The following SLC14A2 variants were observed in gnomAD, a reference collection of about 807,000 sequenced individuals.
The protein encoded by SLC14A2 is solute carrier family 14 member 2, also known as urea transporter 2.
In SLC14A2, 91 loss-of-function variants were observed where a neutral mutation model predicts 104.6. That is an observed-to-expected ratio of 0.87 (90% CI 0.73 to 1.04). The LOEUF is 1.04. Among genes scored for constraint, SLC14A2 ranks in the 50% least tolerant of loss-of-function variants. The probability of loss-of-function intolerance (pLI) is 0.00; values close to 1 mark genes in which losing one functional copy is unlikely to be tolerated. For missense variants in SLC14A2, 1,189 were observed against 1,156.0 expected, an observed-to-expected ratio of 1.03 and a Z score of -0.41; for synonymous variants, 476 against 466.4, an observed-to-expected ratio of 1.02 and a Z score of -0.27.
intron 1 of SLC14A2, among the ~76,000 whole-genome samples, chr18:45,450,963 A>G (rs1468171733): frequency 6.6e-6 from 1 of 152,228 alleles, no homozygotes; most frequent in African/African-American, 2.4e-5. Flanking sequence ...GGTGCAAAAC[A>G]CATGGCTCAA....
intron 2 of SLC14A2, among the ~76,000 whole-genome samples, chr18:45,491,173 T>C (rs559021523): frequency 6.6e-6 from 1 of 152,334 alleles, no homozygotes; most frequent in Admixed American, 6.5e-5. Flanking sequence ...ATTATTGCAT[T>C]ATTTACAATA....
intron 1 of SLC14A2, among the ~76,000 whole-genome samples, chr18:45,468,940 T>C (rs2144661428): frequency 6.6e-6 from 1 of 152,294 alleles, no homozygotes; most frequent in South Asian, 2.1e-4. Flanking sequence ...GCATGTACAG[T>C]AAAGTGCAAC....
At chr18:45,330,482 G>A (rs1386958696) in intron 1 of SLC14A2, among the ~76,000 whole-genome samples, 4 of 152,218 alleles carry the variant, frequency 2.6e-5, no homozygotes, top group Non-Finnish European at 4.4e-5. Context: ...GGTTGCCAGA[G>A]GCTGAGGAGT....
intron 1 of SLC14A2, among the ~76,000 whole-genome samples, chr18:45,465,627 G>A (rs1247559114): frequency 1.3e-5 from 2 of 151,602 alleles, no homozygotes; most frequent in African/African-American, 4.9e-5. Flanking sequence ...CCTTCCTCAG[G>A]GCCCTATCTC....
chr18:45,209,784 T>C (rs1303716314), upstream of SLC14A2, among the ~76,000 whole-genome samples: 2 of 152,208 alleles, frequency 1.3e-5, no homozygotes, highest in Non-Finnish European at 2.9e-5. Flanking sequence ...CAACAGCAAG[T>C]ATAGCTGATG....
intron 1 of SLC14A2, among the ~76,000 whole-genome samples, chr18:45,325,005 A>G (rs1266106225): frequency 6.6e-6 from 1 of 152,170 alleles, no homozygotes; most frequent in East Asian, 1.9e-4. Context: ...TCTAGCAAAG[A>G]TGGGTGCTGT....
At chr18:45,399,257 G>A (rs1446422290) in intron 1 of SLC14A2, among the ~76,000 whole-genome samples, 1 of 152,170 alleles carries the variant, frequency 6.6e-6, no homozygotes, top group African/African-American at 2.4e-5. Context: ...TACCATTCCA[G>A]ATTTTAAAGA....
At position 45,530,406 on chromosome 18, in the gene SLC14A2, C is replaced by T. The variant is rs1286236845; in HGVS notation, c.-35+47084C>T. ...AAAATATCATAGACTACTAAATCTACAAAAACATAGAAATATCCTTGTATT... is the reference window on the plus strand; with the variant it reads ...AAAATATCATAGACTACTAAATCTATAAAAACATAGAAATATCCTTGTATT... On this transcript the variant is annotated intron_variant, in intron 2 of 20. Coordinates refer to the SLC14A2 transcript ENST00000586448. 2.0e-5 allele frequency among the ~76,000 whole-genome samples: 3 copies of T among 152,152 alleles called. No homozygotes were observed. In the East Asian group the frequency reaches 5.8e-4, roughly 29 times the overall value.
rs1251643614 is a variant in SLC14A2 at position 45,609,091 on chromosome 18, C to A, written c.-34-15540C>A. Among the ~76,000 whole-genome samples the A allele has an allele frequency of 3.9e-5, 6 of 152,312 alleles. No individual in the cohort carries two copies. The South Asian group carries it at 1.2e-3, about 32-fold the overall frequency. On this transcript the variant is annotated intron_variant, in intron 2 of 20. Coordinates refer to the SLC14A2 transcript ENST00000586448. ...CCACCAGGGAGTCTTTGGAGGCTCA[C>A]AGGCTGTTGCCCCCTTCAGAGTAGG...
chr18:45,230,156 G>A (rs1299356678), intron 1 of SLC14A2, among the ~76,000 whole-genome samples: 1 of 152,158 alleles, frequency 6.6e-6, no homozygotes, highest in African/African-American at 2.4e-5. Context: ...CCTTTCAATT[G>A]TGACTTCTCT....
intron 2 of SLC14A2, among the ~76,000 whole-genome samples, chr18:45,543,376 A>G (rs977874367): frequency 7.9e-5 from 12 of 152,134 alleles, no homozygotes; most frequent in African/African-American, 2.7e-4. Context: ...ATATATTTAA[A>G]TACACATCAA....
intron 5 of SLC14A2, among the ~76,000 whole-genome samples, chr18:45,633,807 T>C (rs1414721104): frequency 6.6e-6 from 1 of 152,252 alleles, no homozygotes; most frequent in Non-Finnish European, 1.5e-5. Flanking sequence ...TATTACTTTT[T>C]AGTAGTGCTT....
At chr18:45,538,423 T>C (rs2043830165) in intron 2 of SLC14A2, among the ~76,000 whole-genome samples, 1 of 152,196 alleles carries the variant, frequency 6.6e-6, no homozygotes, top group African/African-American at 2.4e-5. Context: ...TAAGCTATTA[T>C]CCAAGGCCAC....
chr18:45,346,972 TAAAAATAAAA>T (rs147421683), intron 1 of SLC14A2, among the ~76,000 whole-genome samples: 1 of 146,898 alleles, frequency 6.8e-6, no homozygotes, highest in African/African-American at 2.6e-5. Context: ...AAAATAAAAA[TAAAAATAAAA>T]ATAAATAAAT....
At chr18:45,452,391 C>G (rs766692782) in intron 1 of SLC14A2, among the ~76,000 whole-genome samples, 5 of 152,138 alleles carry the variant, frequency 3.3e-5, no homozygotes, top group Non-Finnish European at 7.3e-5. Context: ...GTACTTATTA[C>G]CACTTGACTT....
At chr18:45,411,602 C>T (rs574137260) in intron 1 of SLC14A2, among the ~76,000 whole-genome samples, 2 of 152,328 alleles carry the variant, frequency 1.3e-5, no homozygotes, top group South Asian at 4.1e-4. Flanking sequence ...TCACCCAAAA[C>T]ATACACCCAG....
At chr18:45,375,936 T>C (rs2085769783) in intron 1 of SLC14A2, among the ~76,000 whole-genome samples, 2 of 152,170 alleles carry the variant, frequency 1.3e-5, no homozygotes, top group South Asian at 4.1e-4. Context: ...CATGCCCACA[T>C]ACCCACTGGC....
chr18:45,422,184 G>A (rs377733621), intron 1 of SLC14A2, among the ~76,000 whole-genome samples: 1 of 152,182 alleles, frequency 6.6e-6, no homozygotes, highest in African/African-American at 2.4e-5. Context: ...TTGGAAGACT[G>A]TCAATCTGGC....
rs984643394 is a variant in SLC14A2 at position 45,437,954 on chromosome 18, T to C, written c.-124-45279T>C. On this transcript the variant is annotated intron_variant, in intron 1 of 20. Coordinates refer to the SLC14A2 transcript ENST00000586448. ...GCCTAGAAATCTTGGGTTATAAATA[T>C]ACTTACCCCCTTGACTTCCTATTGC... Among the ~76,000 whole-genome samples, 6 of 152,194 alleles carry C rather than the reference T, an allele frequency of 3.9e-5. No individual in the cohort carries two copies. The East Asian group carries it at 7.7e-4, about 20-fold the overall frequency.
Sources: allele counts gnomAD v4.1 joint callset (sites outside exome capture counted in the v4.1 genomes callset), GRCh38; gene constraint gnomAD v4.1.1; transcripts MANE v1.5; gene names NCBI Gene and HGNC (gene_info 2026-07-23, HGNC 2026-07-21).